AHRR: variants seen among roughly 807,000 people sequenced by gnomAD.
AHRR encodes the protein ahR repressor.
AHRR carries 28 observed loss-of-function variants against 44.0 expected under a neutral mutation model. The ratio of observed to expected loss-of-function variants is 0.64; its 90% CI spans 0.47 to 0.87. AHRR has a LOEUF of 0.87. AHRR is among the 40% of genes least tolerant of loss of function. The pLI, the probability that AHRR is intolerant of heterozygous loss-of-function variation, is 0.00. For synonymous variants in AHRR, 434 were observed against 407.0 expected, an observed-to-expected ratio of 1.07 and a Z score of -0.80; for missense variants, 990 against 953.9, an observed-to-expected ratio of 1.04 and a Z score of -0.50.
intron 4 of AHRR, among the ~76,000 whole-genome samples, chr5:394,745 G>A (rs1440161779): frequency 6.6e-6 from 1 of 152,252 alleles, no homozygotes; most frequent in African/African-American, 2.4e-5. Context: ...GATTGGGCCT[G>A]TGTGGGGCCG....
intron 5 of AHRR, among the ~76,000 whole-genome samples, chr5:415,716 T>TAGGGGCCAAATCTGCCTGGTGGGGC (rs1560916531): frequency 8.1e-6 from 1 of 124,158 alleles, no homozygotes; most frequent in Non-Finnish European, 1.8e-5. Context: ...CCTGGTCGGC[T>TAGGGGCCAAATCTGCCTGGTGGGGC]GGGAGGCCTA....
At chr5:334,774 C>T (rs1355318582) in intron 1 of AHRR, among the ~76,000 whole-genome samples, 2 of 151,746 alleles carry the variant, frequency 1.3e-5, no homozygotes, top group African/African-American at 4.8e-5. Flanking sequence ...TTTCATGTTT[C>T]TTGTGTCTTT....
At position 370,684 on chromosome 5, in the gene AHRR, T is replaced by C. The variant is rs1057132780; in HGVS notation, c.245-5926T>C. ...ACAGTCCATGGGAAGGCACAGGTGA[T>C]GGGGTTGGGGACAGGTCTCGGGAAG... is the stretch of plus-strand genomic sequence containing the variant. On this transcript the variant is annotated intron_variant, in intron 3 of 10. Transcript: ENST00000684583. This position sits in a 1 kb window ranked among gnomAD's most constrained non-coding sequence, Gnocchi z 4.5. Among the ~76,000 whole-genome samples, 30 of 108,394 alleles carry C rather than the reference T, an allele frequency of 2.8e-4. 1 individual carries two copies. Among genetic ancestry groups the C allele is most frequent in the South Asian group, 2.4e-3 (7 of 2,948 alleles). The allele number at this position is 108,394 out of a possible 152,430, so 71.1% of individuals were successfully genotyped here.
At chr5:375,473 C>G (rs895408394) in intron 3 of AHRR, among the ~76,000 whole-genome samples, 1 of 152,240 alleles carries the variant, frequency 6.6e-6, no homozygotes, top group Non-Finnish European at 1.5e-5. Flanking sequence ...TCCGGTGAAG[C>G]ATGGCCGCCT....
intron 5 of AHRR, chr5:421,283 G>A (rs1560919752): frequency 1.4e-6 from 1 of 698,736 alleles, no homozygotes; most frequent in Non-Finnish European, 2.6e-6. Context: ...CACGGAACGG[G>A]CGAGGCTGTT....
At chr5:409,239 A>G (rs1735381911) in intron 4 of AHRR, among the ~76,000 whole-genome samples, 1 of 152,162 alleles carries the variant, frequency 6.6e-6, no homozygotes. Context: ...TATCCGATTG[A>G]TAGTTATTTG....
intron 5 of AHRR, chr5:421,382 GC>G: frequency 1.6e-6 from 1 of 606,756 alleles, no homozygotes; most frequent in Non-Finnish European, 3.0e-6. Flanking sequence ...CACAGTACCA[GC>G]CCCCACACGG....
At chr5:410,428 T>C (rs1735426538) in intron 4 of AHRR, among the ~76,000 whole-genome samples, 1 of 152,072 alleles carries the variant, frequency 6.6e-6, no homozygotes, top group Admixed American at 6.6e-5. Flanking sequence ...CCCAGGCTGG[T>C]CTTGAACTGC....
At chr5:420,276 T>C (rs1246134005) in intron 5 of AHRR, among the ~76,000 whole-genome samples, 1 of 152,234 alleles carries the variant, frequency 6.6e-6, no homozygotes, top group Non-Finnish European at 1.5e-5. Flanking sequence ...CAGGATGGGA[T>C]GGAAGCCTAA....
chr5:400,473 C>T (rs887400682), intron 4 of AHRR, among the ~76,000 whole-genome samples: 47 of 151,952 alleles, frequency 3.1e-4, no homozygotes, highest in Admixed American at 5.9e-4. Context: ...TGATCTTTTT[C>T]CCCTTAAAAA....
At chr5:386,337 C>G (rs887435625) in intron 4 of AHRR, among the ~76,000 whole-genome samples, 46 of 152,360 alleles carry the variant, frequency 3.0e-4, no homozygotes, top group Admixed American at 4.6e-4. Flanking sequence ...TTCCCAGAGT[C>G]TGTGAATATG....
rs1038534093 is a variant in AHRR, at chr5:405,323, C to T, written c.352-8021C>T. Among the ~76,000 whole-genome samples, 4 of 152,154 alleles carry T rather than the reference C, an allele frequency of 2.6e-5. No homozygotes were observed. Among genetic ancestry groups the T allele is most frequent in the African/African-American group, 4.8e-5 (2 of 41,438 alleles). ...TGCTCCCGTGGATGCAGATGTCCTG[C>T]GGGGTCCGTTTCCCTTTCTCTAGAA... On this transcript the variant is annotated intron_variant, in intron 4 of 10. Transcript: ENST00000684583. The surrounding 1 kb of genome is among the most constrained non-coding windows in gnomAD (Gnocchi z 4.5).
intron 7 of AHRR, 186 bp from the exon 8 acceptor site, chr5:427,621 T>TCG: frequency 6.2e-7 from 1 of 1,612,626 alleles, no homozygotes; most frequent in Non-Finnish European, 8.5e-7. Flanking sequence ...TTCAAGCACA[T>TCG]CGAATCACTC....
intron 1 of AHRR, among the ~76,000 whole-genome samples, chr5:340,682 A>ATTT (rs1742305058): frequency 4.2e-5 from 1 of 23,766 alleles, no homozygotes; most frequent in African/African-American, 3.1e-4. Flanking sequence ...ATATATATAT[A>ATTT]TATATATTTT....
Position 435,440 on chromosome 5 carries a change from T to C in AHRR, c.*606T>C, listed in dbSNP as rs1351901423. ...CCGTGAGCCCACTCATAGAGGAATC[T>C]AGAACGTTCCAGGCAGCAGAGGCTG... On this transcript the variant is annotated 3_prime_UTR_variant, in exon 11 of 11. Transcript: ENST00000684583. 1 of 153,568 alleles carries C rather than the reference T, an allele frequency of 6.5e-6. No individual in the cohort carries two copies. Among genetic ancestry groups the C allele is most frequent in the Non-Finnish European group, 1.4e-5 (1 of 69,068 alleles). The allele number at this position is 153,568 out of a possible 1,614,324, so 9.5% of individuals were successfully genotyped here.
intron 2 of AHRR, 90 bp downstream of exon 2, chr5:344,054 A>C: frequency 2.2e-6 from 3 of 1,376,020 alleles, no homozygotes; most frequent in Non-Finnish European, 3.0e-6. Flanking sequence ...TTTTAGGAAC[A>C]GGGCGAGCGA....
intron 8 of AHRR, among the ~76,000 whole-genome samples, chr5:430,389 T>C (rs191105926): frequency 6.6e-6 from 1 of 152,354 alleles, no homozygotes; most frequent in Non-Finnish European, 1.5e-5. Flanking sequence ...GAGCCCCCTC[T>C]GGGAGGACCC....
intron 3 of AHRR, among the ~76,000 whole-genome samples, chr5:364,547 T>C (rs1453544886): frequency 6.6e-6 from 1 of 151,226 alleles, no homozygotes; most frequent in Non-Finnish European, 1.5e-5. Context: ...GGGGTTGAAA[T>C]TTCAAACTAA....
intron 4 of AHRR, among the ~76,000 whole-genome samples, chr5:400,236 T>C (rs1734956312): frequency 6.6e-6 from 1 of 152,232 alleles, no homozygotes; most frequent in Non-Finnish European, 1.5e-5. Context: ...TTGAAGTACT[T>C]GCCGGCTATT....
Sources: gnomAD v4.1 joint callset for allele counts (sites outside exome capture counted in the v4.1 genomes callset) on GRCh38, gnomAD v4.1.1 for gene constraint, Gnocchi (gnomAD v3.1) non-coding constraint, MANE v1.5 for transcripts, NCBI Gene and HGNC (gene_info 2026-07-23, HGNC 2026-07-21) for gene names.